Variants in TENM3 observed in about 807,000 individuals in gnomAD.
The protein encoded by TENM3 is teneurin transmembrane protein 3.
In TENM3, 63 loss-of-function variants were observed where a neutral mutation model predicts 255.1. That is an observed-to-expected ratio of 0.25 (90% CI 0.20 to 0.30). The LOEUF (loss-of-function observed/expected upper bound fraction) is 0.30, where lower values mean the gene tolerates loss of function less well. TENM3 is among the 10% of genes least tolerant of loss of function. The pLI is 1.00. For synonymous variants in TENM3, 1,306 were observed against 1,322.3 expected (o/e 0.99, Z 0.27); for missense variants, 2,929 against 3,461.1 (o/e 0.85, Z 3.86).
intron 5 of TENM3, among the ~76,000 whole-genome samples, chr4:182,646,883 G>T (rs1752797994): frequency 6.6e-6 from 1 of 152,178 alleles, no homozygotes. Context: ...ATGTATTGTG[G>T]TCTCTTCTTT....
chr4:182,632,653 A>T (rs907073370), intron 5 of TENM3, among the ~76,000 whole-genome samples: 2 of 152,070 alleles, frequency 1.3e-5, no homozygotes, highest in African/African-American at 4.8e-5. Context: ...ATTTTTTGTC[A>T]CATGTTATGT....
chr4:182,286,434 C>T (rs1272268430), intron 1 of TENM3, among the ~76,000 whole-genome samples: 1 of 152,180 alleles, frequency 6.6e-6, no homozygotes, highest in Non-Finnish European at 1.5e-5. Flanking sequence ...TCAGAGCATA[C>T]CCCTTCTTTG....
At chr4:182,100,447 A>G in the TENM3 span, among the ~76,000 whole-genome samples, 1 of 88,260 alleles carries the variant, frequency 1.1e-5, no homozygotes, top group African/African-American at 3.6e-5. Context: ...GTAAAAAAAA[A>G]AATATATATA....
At chr4:181,661,004 T>G in the TENM3 span, among the ~76,000 whole-genome samples, 1 of 152,134 alleles carries the variant, frequency 6.6e-6, no homozygotes, top group Non-Finnish European at 1.5e-5. Flanking sequence ...AGATATGTAG[T>G]TCAAGTCATT....
the TENM3 span, among the ~76,000 whole-genome samples, chr4:181,494,457 T>C: frequency 6.6e-6 from 1 of 152,110 alleles, no homozygotes; most frequent in Non-Finnish European, 1.5e-5. Flanking sequence ...GCTAATTTTT[T>C]GTATTTTTAA....
chr4:181,934,487 G>T, the TENM3 span, among the ~76,000 whole-genome samples: 1 of 152,088 alleles, frequency 6.6e-6, no homozygotes, highest in Non-Finnish European at 1.5e-5. Context: ...TTAATCGGTA[G>T]CAGTTCTAAC....
the TENM3 span, among the ~76,000 whole-genome samples, chr4:181,963,720 G>T: frequency 6.6e-6 from 1 of 152,122 alleles, no homozygotes; most frequent in Non-Finnish European, 1.5e-5. Context: ...CCCTAGCAGT[G>T]GATAGAACGC....
At chr4:181,920,348 C>T in the TENM3 span, among the ~76,000 whole-genome samples, 3 of 151,734 alleles carry the variant, frequency 2.0e-5, no homozygotes, top group Non-Finnish European at 4.4e-5. Flanking sequence ...ACAGTCCCAC[C>T]AACAGTGTAA....
the TENM3 span, among the ~76,000 whole-genome samples, chr4:181,742,555 CAG>C: frequency 6.6e-6 from 1 of 151,522 alleles, no homozygotes; most frequent in African/African-American, 2.4e-5. Context: ...GGACTATGGA[CAG>C]AATAAATAAG....
intron 2 of TENM3, among the ~76,000 whole-genome samples, chr4:182,325,017 A>G (rs60777214): frequency 0.22 from 33,814 of 152,092 alleles, 4,789 homozygotes; most frequent in South Asian, 0.41. Flanking sequence ...ATACATAGTT[A>G]TATTTTGTTT....
chr4:182,504,527 CCT>C (rs1402345614), intron 3 of TENM3, among the ~76,000 whole-genome samples: 2 of 152,084 alleles, frequency 1.3e-5, no homozygotes, highest in Non-Finnish European at 2.9e-5. Context: ...GTGATGCCAC[CCT>C]CTGTGAATAG....
At chr4:182,622,504 A>G (rs1750393826) in intron 4 of TENM3, among the ~76,000 whole-genome samples, 1 of 152,214 alleles carries the variant, frequency 6.6e-6, no homozygotes. Context: ...CGTAGTAGAT[A>G]TTCACGTTTT....
At chr4:181,794,824 C>A in the TENM3 span, among the ~76,000 whole-genome samples, 21 of 152,104 alleles carry the variant, frequency 1.4e-4, no homozygotes, top group African/African-American at 4.3e-4. Context: ...ATTTCAGGAA[C>A]TAAAACCTTA....
chr4:181,708,438 C>A, the TENM3 span, among the ~76,000 whole-genome samples: 2 of 151,936 alleles, frequency 1.3e-5, no homozygotes, highest in Non-Finnish European at 2.9e-5. Flanking sequence ...TAAGAGAAAA[C>A]CTAGTTGAAT....
At chr4:181,632,380 A>G in the TENM3 span, among the ~76,000 whole-genome samples, 1 of 152,152 alleles carries the variant, frequency 6.6e-6, no homozygotes. Flanking sequence ...TCCAGATGAA[A>G]TGTGGGTGGG....
chr4:182,241,845 CAAGG>C (rs1176254806), upstream of TENM3, among the ~76,000 whole-genome samples: 27 of 152,076 alleles, frequency 1.8e-4, no homozygotes, highest in African/African-American at 5.5e-4. Flanking sequence ...GTAAAATGCA[CAAGG>C]CTTGACCGTT....
At chr4:181,864,035 A>G in the TENM3 span, among the ~76,000 whole-genome samples, 1 of 152,192 alleles carries the variant, frequency 6.6e-6, no homozygotes, top group Non-Finnish European at 1.5e-5. Flanking sequence ...CATGAATCAC[A>G]GGACCACTGC....
the TENM3 span, among the ~76,000 whole-genome samples, chr4:181,689,986 AG>A: frequency 2.0e-5 from 3 of 152,164 alleles, no homozygotes; most frequent in African/African-American, 7.2e-5. Flanking sequence ...GAGGTGATGC[AG>A]GGGTGCGGTT....
intron 1 of TENM3, among the ~76,000 whole-genome samples, chr4:182,250,139 G>T (rs565471594): frequency 1.4e-5 from 2 of 145,564 alleles, no homozygotes; most frequent in Non-Finnish European, 3.0e-5. Flanking sequence ...TGCAAGCTCT[G>T]CCTCCTGGGT....
Sources: allele counts gnomAD v4.1 joint callset (sites outside exome capture counted in the v4.1 genomes callset), GRCh38; gene constraint gnomAD v4.1.1; transcripts MANE v1.5; gene names NCBI Gene and HGNC (gene_info 2026-07-23, HGNC 2026-07-21).